The following CTR9 variants were observed in gnomAD, a reference collection of about 807,000 sequenced individuals.
CTR9 encodes RNA polymerase-associated protein CTR9 homolog.
A neutral mutation model predicts 152.1 loss-of-function variants in CTR9; 41 were observed. That is an observed-to-expected ratio of 0.27 (90% CI 0.21 to 0.35). CTR9 has a LOEUF of 0.35. CTR9 is among the 10% of genes least tolerant of loss of function. CTR9 has a pLI of 1.00. For synonymous variants in CTR9, 476 were observed against 496.2 expected (o/e 0.96, Z 0.54); for missense variants, 917 against 1,424.4 (o/e 0.64, Z 5.73).
chr11:10,762,300 C>T (rs1215169435), intron 7 of CTR9, among the ~76,000 whole-genome samples: 2 of 152,150 alleles, frequency 1.3e-5, no homozygotes, highest in Non-Finnish European at 2.9e-5. Context: ...ATTAGTAAAA[C>T]ATGGTGTCTG....
Position 10,773,112 on chromosome 11 carries a change from C to A in CTR9, c.2581-15C>A. The stretch of plus-strand genomic sequence containing the variant: ...ATTTGCAGTGGGGTTTCTTTTCTAC[C>A]ATTTTTCCTCATAGGAAGAGAAACG... On this transcript the variant is annotated splice_polypyrimidine_tract_variant and intron_variant, in intron 20 of 24. Coordinates refer to ENST00000361367, the MANE Select transcript of CTR9 (RefSeq NM_014633.5). 1 of 1,583,136 alleles carries A rather than the reference C, an allele frequency of 6.3e-7. No individual in the cohort carries two copies. Among genetic ancestry groups the A allele is most frequent in the Non-Finnish European group, 8.5e-7 (1 of 1,172,342 alleles).
chr11:10,777,516 G>A (rs1163570197), intron 24 of CTR9, among the ~76,000 whole-genome samples: 3 of 152,176 alleles, frequency 2.0e-5, no homozygotes, highest in Admixed American at 6.5e-5. Context: ...TGTTACCCAG[G>A]TCTGTTTAGA....
chr11:10,762,974 C>T (rs537598625), intron 7 of CTR9, among the ~76,000 whole-genome samples: 3 of 150,622 alleles, frequency 2.0e-5, no homozygotes, highest in Non-Finnish European at 4.4e-5. Flanking sequence ...CGCCACTGCA[C>T]TCCAGCCCAT....
At chr11:10,762,983 A>G (rs1486035339) in intron 7 of CTR9, among the ~76,000 whole-genome samples, 2 of 151,166 alleles carry the variant, frequency 1.3e-5, no homozygotes, top group Non-Finnish European at 3.0e-5. Flanking sequence ...ACTCCAGCCC[A>G]TGCAACAGAG....
At chr11:10,771,792 A>G (rs1863146998) in intron 19 of CTR9, among the ~76,000 whole-genome samples, 176 bp downstream of exon 19, 1 of 152,214 alleles carries the variant, frequency 6.6e-6, no homozygotes, top group South Asian at 2.1e-4. Context: ...GAATTGGACA[A>G]AATTGCCTTA....
chr11:10,763,297 A>G lies in CTR9; in HGVS notation c.850-134A>G, dbSNP rs974235338. ...TTATTGATTAGGTTATAACTGTTAT[A>G]GCACTGAAAGGCAACTATTTATGAA... On this transcript the variant is annotated intron_variant, in intron 7 of 24. Transcript: ENST00000361367. 6 of 674,748 alleles carry G rather than the reference A, an allele frequency of 8.9e-6. No homozygotes were observed. The Admixed American group carries it at 1.4e-4, about 15-fold the overall frequency. The allele number at this position is 674,748 out of a possible 1,614,324, so 41.8% of individuals were successfully genotyped here.
Position 10,770,295 on chromosome 11 carries a change from AGTT to A in CTR9, c.2196_2198del (p.Leu733del). On this transcript the variant is annotated inframe_deletion, in exon 17 of 25. Coordinates refer to ENST00000361367, the MANE Select transcript of CTR9 (RefSeq NM_014633.5). Reference sequence around the variant, plus strand: ...GCCCGGGCCCTCTTCAAGTGTGGCAAGTTACAGGAATGCAAACAGACTTTGCTG... The same window carrying A: ...GCCCGGGCCCTCTTCAAGTGTGGCAAACAGGAATGCAAACAGACTTTGCTG... The A allele has an allele frequency of 1.9e-6, 3 of 1,614,036 alleles. No individual in the cohort carries two copies. Among genetic ancestry groups the A allele is most frequent in the Non-Finnish European group, 2.5e-6 (3 of 1,179,940 alleles).
Position 10,751,342 on chromosome 11 carries a change from A to C in CTR9, c.-71A>C. 1 of 1,539,390 alleles carries C rather than the reference A, an allele frequency of 6.5e-7. No homozygotes were observed. The highest frequency in any genetic ancestry group is 9.0e-7 in the Non-Finnish European group (1 of 1,115,164). On this transcript the variant is annotated 5_prime_UTR_variant, in exon 1 of 25. Coordinates refer to ENST00000361367, the MANE Select transcript of CTR9 (RefSeq NM_014633.5). Reference sequence around the variant, plus strand: ...AGCCGGAGCCGTCACTCACCTCTGGATTAGCCTGAAGCGGAGACTACCGGC... The same window carrying C: ...AGCCGGAGCCGTCACTCACCTCTGGCTTAGCCTGAAGCGGAGACTACCGGC...
Position 10,762,112 on chromosome 11 carries a change from T to G in CTR9, c.849+58T>G, listed in dbSNP as rs1332230807. 3 of 998,132 alleles carry G rather than the reference T, an allele frequency of 3.0e-6. No individual in the cohort carries two copies. In the East Asian group the frequency reaches 7.6e-5, roughly 25 times the overall value. The allele number at this position is 998,132 out of a possible 1,614,324, so 61.8% of individuals were successfully genotyped here. On this transcript the variant is annotated intron_variant, in intron 7 of 24. Coordinates refer to ENST00000361367, the MANE Select transcript of CTR9 (RefSeq NM_014633.5). ...TGTTTTTCTGTACTGCAATTGATAT[T>G]TTATTTCTTTTTTAAACTTGGAAAG...
At position 10,779,295 on chromosome 11, in the gene CTR9, G is replaced by A. The variant is rs1356051044; in HGVS notation, c.*190G>A. The A allele has an allele frequency of 1.7e-5, 10 of 577,668 alleles. No homozygotes were observed. The highest frequency in any genetic ancestry group is 3.3e-5 in the Admixed American group (1 of 30,456). The allele number at this position is 577,668 out of a possible 1,614,324, so 35.8% of individuals were successfully genotyped here. On this transcript the variant is annotated 3_prime_UTR_variant, in exon 25 of 25. Coordinates refer to ENST00000361367, the MANE Select transcript of CTR9 (RefSeq NM_014633.5). Reference sequence around the variant, plus strand: ...CTAGAGTCCAATATTTGAGTCTCTCGTGCAAATGAGACTATTCTTTGTGGT... The same window carrying A: ...CTAGAGTCCAATATTTGAGTCTCTCATGCAAATGAGACTATTCTTTGTGGT...
At chr11:10,762,588 G>A (rs1376859130) in intron 7 of CTR9, among the ~76,000 whole-genome samples, 1 of 152,204 alleles carries the variant, frequency 6.6e-6, no homozygotes, top group Non-Finnish European at 1.5e-5. Context: ...TGTAATACCA[G>A]AATTTGGACA....
Position 10,754,090 on chromosome 11 carries a change from C to G in CTR9, c.145-868C>G, listed in dbSNP as rs562213351. ...GTCTCTCTATTTTGCCCAGGCTAGA[C>G]TCAAACTCCTGGGCTCAAGCCATCC... On this transcript the variant is annotated intron_variant, in intron 2 of 24. Transcript: ENST00000361367. 1.3e-3 allele frequency among the ~76,000 whole-genome samples: 200 copies of G among 152,282 alleles called. No individual in the cohort carries two copies. The Middle Eastern group carries it at 0.031, about 23-fold the overall frequency.
rs558401277 is a variant in CTR9, at chr11:10,760,659, A to C, written c.741+338A>C. On this transcript the variant is annotated intron_variant, in intron 6 of 24. Coordinates refer to ENST00000361367, the MANE Select transcript of CTR9 (RefSeq NM_014633.5). The stretch of plus-strand genomic sequence containing the variant: ...CATTTAGATTTCAGAATCTCAGATA[A>C]GGGGTCGTAGACTTGTATATCAGTT... Among the ~76,000 whole-genome samples the C allele has an allele frequency of 2.0e-5, 3 of 152,212 alleles. No individual in the cohort carries two copies. In the East Asian group the frequency reaches 5.8e-4, roughly 29 times the overall value.
At chr11:10,769,688 C>T (rs1236341936) in intron 16 of CTR9, among the ~76,000 whole-genome samples, 1 of 152,154 alleles carries the variant, frequency 6.6e-6, no homozygotes, top group Non-Finnish European at 1.5e-5. Flanking sequence ...TTACCTATGA[C>T]AAGAGGTATT....
intron 4 of CTR9, 28 bp downstream of exon 4, chr11:10,755,823 A>G (rs748483253): frequency 4.2e-6 from 6 of 1,414,512 alleles, no homozygotes; most frequent in Non-Finnish European, 6.0e-6. Context: ...ACATGTTAGG[A>G]AACAGTTGTT....
intron 13 of CTR9, 129 bp downstream of exon 13, chr11:10,766,619 G>C: frequency 1.6e-6 from 1 of 630,578 alleles, no homozygotes; most frequent in Non-Finnish European, 2.6e-6. Context: ...TCATTTACTT[G>C]TTAGATACTA....
intron 2 of CTR9, among the ~76,000 whole-genome samples, chr11:10,753,447 G>A (rs1054677803): frequency 3.9e-5 from 6 of 151,966 alleles, no homozygotes; most frequent in Non-Finnish European, 7.4e-5. Context: ...TACAGAAGAG[G>A]CTCCTAATAT....
chr11:10,760,346 G>A (rs749166748), intron 6 of CTR9, 25 bp downstream of exon 6: 1 of 1,598,740 alleles, frequency 6.3e-7, no homozygotes, highest in African/African-American at 1.3e-5. Flanking sequence ...AAAGTATCTA[G>A]CTCCTAACTG....
Position 10,762,179 on chromosome 11 carries a change from G to A in CTR9, c.849+125G>A, listed in dbSNP as rs1862989009. 4.6e-6 allele frequency: 3 copies of A among 648,732 alleles called. No individual in the cohort carries two copies. The South Asian group carries it at 6.2e-5, about 13-fold the overall frequency. 40.2% of individuals were successfully genotyped at this position (648,732 alleles called of 1,614,324 possible). On this transcript the variant is annotated intron_variant, in intron 7 of 24. Transcript: ENST00000361367. ...GATTTTTTCCCCCCTCCAAATTATA[G>A]AGTTTGTTGTATTAGTTACCTGGGG...
Sources: gnomAD v4.1 joint callset for allele counts (sites outside exome capture counted in the v4.1 genomes callset) on GRCh38, gnomAD v4.1.1 for gene constraint, MANE v1.5 for transcripts, NCBI Gene and HGNC (gene_info 2026-07-23, HGNC 2026-07-21) for gene names.